Variants in ANKFN1 observed in about 807,000 individuals in gnomAD.
ANKFN1 encodes the protein ankyrin repeat and fibronectin type-III domain-containing protein 1.
Under a neutral mutation model 108.7 loss-of-function variants are expected in ANKFN1, and 74 were observed. The observed-to-expected ratio is 0.68, with a 90% CI of 0.56 to 0.83. The LOEUF is 0.83. Ranked by LOEUF, ANKFN1 falls within the 40% of genes least tolerant of loss-of-function variation. The pLI is 0.00. For synonymous variants in ANKFN1, 547 were observed against 516.2 expected (o/e 1.06, Z -0.81); for missense variants, 1,505 against 1,382.3 (o/e 1.09, Z -1.41).
intron 15 of ANKFN1, among the ~76,000 whole-genome samples, chr17:56,475,914 T>A (rs2050482415): frequency 6.6e-6 from 1 of 152,140 alleles, no homozygotes; most frequent in African/African-American, 2.4e-5. Flanking sequence ...TATGAGGAAG[T>A]TTAATTGAAT....
At chr17:56,052,293 C>T (rs1315331798) in intron 4 of ANKFN1, among the ~76,000 whole-genome samples, 2 of 152,144 alleles carry the variant, frequency 1.3e-5, no homozygotes, top group African/African-American at 4.8e-5. Flanking sequence ...AGAAGAAGCA[C>T]TGCTTTACAA....
intron 1 of ANKFN1, among the ~76,000 whole-genome samples, chr17:56,179,922 A>G (rs920497240): frequency 6.6e-6 from 1 of 152,214 alleles, no homozygotes; most frequent in African/African-American, 2.4e-5. Flanking sequence ...ATTCTATTAT[A>G]TGAAAACCAG....
rs1203679811 is a variant in ANKFN1, at chr17:56,328,577, A to G, written c.188+2222A>G. Among the ~76,000 whole-genome samples, 7 of 152,212 alleles carry G rather than the reference A, an allele frequency of 4.6e-5. No homozygotes were observed. In the East Asian group the frequency reaches 1.3e-3, roughly 29 times the overall value. On this transcript the variant is annotated intron_variant, in intron 4 of 20. Coordinates refer to ENST00000682825, the MANE Select transcript of ANKFN1 (RefSeq NM_001370326.1). ...TGTATTTGCTTCATACCTGTCTCTAAGAACTTCACTTATAATTATTATTTC... is the reference window on the plus strand; with the variant it reads ...TGTATTTGCTTCATACCTGTCTCTAGGAACTTCACTTATAATTATTATTTC...
chr17:56,102,873 C>A (rs959158308), intron 4 of ANKFN1, among the ~76,000 whole-genome samples: 1 of 152,168 alleles, frequency 6.6e-6, no homozygotes, highest in Non-Finnish European at 1.5e-5. Context: ...GCCACTGTGC[C>A]CAGCCTATCG....
chr17:56,094,672 TG>T lies in ANKFN1; in HGVS notation c.288+48350del, dbSNP rs1326407515. On this transcript the variant is annotated intron_variant, in intron 4 of 12. Coordinates refer to the ANKFN1 transcript ENST00000635860. Reference sequence around the variant, plus strand: ...GCGCACACCACCACGCCCAGCTAATTGGGTTTTTTTTTTTTTTTTTTGTATT... The same window carrying T: ...GCGCACACCACCACGCCCAGCTAATTGGTTTTTTTTTTTTTTTTTTGTATT... 1.0e-4 allele frequency among the ~76,000 whole-genome samples: 8 copies of T among 76,434 alleles called. No individual in the cohort carries two copies. The East Asian group carries it at 2.6e-3, about 25-fold the overall frequency. 50.1% of individuals were successfully genotyped at this position (76,434 alleles called of 152,430 possible).
chr17:56,259,178 G>A (rs980699487), intron 3 of ANKFN1, among the ~76,000 whole-genome samples: 4 of 152,064 alleles, frequency 2.6e-5, no homozygotes, highest in African/African-American at 9.7e-5. Context: ...GCTATTGAAT[G>A]GTGAAGCCAG....
chr17:56,348,025 AG>A (rs1289178649), intron 4 of ANKFN1, among the ~76,000 whole-genome samples: 1 of 152,074 alleles, frequency 6.6e-6, no homozygotes, highest in Non-Finnish European at 1.5e-5. Flanking sequence ...TGAAGGAAAA[AG>A]CTAGAGACAG....
At position 56,235,193 on chromosome 17, in the gene ANKFN1, T is replaced by TTTG. The variant is rs753622236; in HGVS notation, c.53+7251_53+7253dup. ...CATGTCCATTGCCCACTTTTTAATG[T>TTTG]TTGTTGTTGTTGTTGTTTCTTATAA... On this transcript the variant is annotated intron_variant, in intron 3 of 20. Transcript: ENST00000682825. Among the ~76,000 whole-genome samples, 376 of 152,140 alleles carry TTTG rather than the reference T, an allele frequency of 2.5e-3. 2 individuals are homozygous for TTTG. Among genetic ancestry groups the TTTG allele is most frequent in the African/African-American group, 8.5e-3 (355 of 41,542 alleles).
chr17:56,469,775 T>G (rs2050250554), intron 15 of ANKFN1, among the ~76,000 whole-genome samples: 1 of 81,490 alleles, frequency 1.2e-5, no homozygotes, highest in Admixed American at 1.6e-4. Flanking sequence ...TCTCAGAAAA[T>G]TTTTTTTCTT....
At chr17:56,498,716 A>G (rs1223447973) in intron 19 of ANKFN1, among the ~76,000 whole-genome samples, 166 bp from the exon 20 acceptor site, 7 of 152,198 alleles carry the variant, frequency 4.6e-5, no homozygotes, top group Admixed American at 4.6e-4. Flanking sequence ...AAAAAATATT[A>G]CAAAAAGAGA....
intron 4 of ANKFN1, among the ~76,000 whole-genome samples, chr17:56,144,966 T>A (rs1908171194): frequency 6.6e-6 from 1 of 152,086 alleles, no homozygotes; most frequent in Non-Finnish European, 1.5e-5. Context: ...ACAAGAGTGT[T>A]AGGTGATTTT....
In ANKFN1 at chr17:56,457,258, G is replaced by T; in HGVS notation, c.1309G>T (p.Gly437Ter). 1 of 1,560,350 alleles carries T rather than the reference G, an allele frequency of 6.4e-7. No individual in the cohort carries two copies. The highest frequency in any genetic ancestry group is 8.6e-7 in the Non-Finnish European group (1 of 1,158,256). The change falls in exon 13 of 21, where the codon GGA (glycine) becomes TGA (stop). Residue 437 changes from glycine (G) to a stop codon, truncating the protein, a stop_gained and splice_region_variant. Coordinates refer to ENST00000682825, the MANE Select transcript of ANKFN1 (RefSeq NM_001370326.1). LOFTEE classifies it high-confidence loss of function. ...SNKFVKTLKRGLYIAVIFYYK... is the reference protein window; with the variant it reads ...SNKFVKTLKR ...TTTTATTTTCCTTTTTCTTTTTAGG[G>T]GACTCTACATAGCCGTTATATTTTA...
At chr17:56,227,193 A>T (rs754942734) in intron 2 of ANKFN1, among the ~76,000 whole-genome samples, 1 of 152,082 alleles carries the variant, frequency 6.6e-6, no homozygotes, top group Non-Finnish European at 1.5e-5. Flanking sequence ...ACTAAAAAGT[A>T]CCCCTTTCAA....
intron 4 of ANKFN1, among the ~76,000 whole-genome samples, chr17:56,142,671 C>A (rs1019265981): frequency 6.6e-6 from 1 of 152,226 alleles, no homozygotes; most frequent in Non-Finnish European, 1.5e-5. Flanking sequence ...TTTCCTCATG[C>A]TGAAGCCTTC....
intron 1 of ANKFN1, 84 bp downstream of exon 1, chr17:56,153,614 G>A (rs1908813258): frequency 6.5e-7 from 1 of 1,547,404 alleles, no homozygotes; most frequent in Non-Finnish European, 8.9e-7. Context: ...AATGTGAGTT[G>A]AGTGGGCGAG....
intron 1 of ANKFN1, among the ~76,000 whole-genome samples, chr17:56,175,732 A>G (rs750013477): frequency 6.6e-6 from 1 of 152,170 alleles, no homozygotes; most frequent in Non-Finnish European, 1.5e-5. Flanking sequence ...TTCCAGCCCT[A>G]TGCATTCAGT....
intron 3 of ANKFN1, among the ~76,000 whole-genome samples, chr17:56,265,309 G>C (rs185306964): frequency 6.6e-6 from 1 of 152,114 alleles, no homozygotes; most frequent in Admixed American, 6.5e-5. Context: ...AAGGCAAAGG[G>C]GAAGCAAGCA....
At chr17:56,212,075 T>C (rs1229179288) in intron 1 of ANKFN1, among the ~76,000 whole-genome samples, 2 of 151,830 alleles carry the variant, frequency 1.3e-5, no homozygotes, top group South Asian at 2.1e-4. Context: ...CTCAGTACTA[T>C]GTTGAATAGA....
intron 4 of ANKFN1, among the ~76,000 whole-genome samples, chr17:56,130,498 C>A (rs1046500928): frequency 5.3e-5 from 8 of 151,878 alleles, no homozygotes; most frequent in African/African-American, 1.9e-4. Flanking sequence ...TATGTGGGGT[C>A]CGGATCATGG....
Sources: gnomAD v4.1 joint callset for allele counts (sites outside exome capture counted in the v4.1 genomes callset) on GRCh38, gnomAD v4.1.1 for gene constraint, MANE v1.5 for transcripts, NCBI Gene and HGNC (gene_info 2026-07-23, HGNC 2026-07-21) for gene names.